Variants in GDPD1 observed in about 807,000 individuals in gnomAD.
GDPD1 encodes lysophospholipase D GDPD1.
Under a neutral mutation model 45.1 loss-of-function variants are expected in GDPD1, and 28 were observed. The ratio of observed to expected loss-of-function variants is 0.62; its 90% confidence interval spans 0.46 to 0.85. The LOEUF is 0.85. GDPD1 is among the 40% of genes least tolerant of loss of function. GDPD1 has a pLI of 0.00. For synonymous variants in GDPD1, 139 were observed against 131.4 expected, an observed-to-expected ratio of 1.06 and a Z score of -0.40; for missense variants, 256 against 364.8, an observed-to-expected ratio of 0.70 and a Z score of 2.43.
chr17:59,273,006 C>T, intron 9 of GDPD1, 170 bp downstream of exon 9: 1 of 1,437,568 alleles, frequency 7.0e-7, no homozygotes, highest in Admixed American at 2.6e-5. Flanking sequence ...AGCAATAAAG[C>T]ATTGGCATTT....
chr17:59,255,952 G>T (rs916948004), intron 4 of GDPD1, among the ~76,000 whole-genome samples: 1 of 147,814 alleles, frequency 6.8e-6, no homozygotes. Flanking sequence ...CTGGAGTGTG[G>T]GAGGCCGCAG....
At chr17:59,229,122 GTTATTATTATTA>G (rs71145540) in intron 1 of GDPD1, among the ~76,000 whole-genome samples, 3,529 of 134,376 alleles carry the variant, frequency 0.026, 55 homozygotes, top group Middle Eastern at 0.059. Flanking sequence ...TCCTCAAATT[GTTATTATTATTA>G]TTATTATTAT....
chr17:59,254,357 T>C (rs1464938887), intron 4 of GDPD1, among the ~76,000 whole-genome samples: 5 of 120,468 alleles, frequency 4.2e-5, no homozygotes, highest in Non-Finnish European at 8.0e-5. Flanking sequence ...TGAGACTCCG[T>C]CTCAAAAAAA....
intron 3 of GDPD1, among the ~76,000 whole-genome samples, chr17:59,247,321 C>T (rs560008771): frequency 4.2e-4 from 64 of 152,250 alleles, no homozygotes; most frequent in Middle Eastern, 3.4e-3. Flanking sequence ...CATGTATCCA[C>T]AATTATACTA....
chr17:59,221,449 A>C (rs1334332282), intron 1 of GDPD1, among the ~76,000 whole-genome samples: 2 of 46,486 alleles, frequency 4.3e-5, no homozygotes, highest in African/African-American at 6.5e-5. Context: ...ACACTGCAAT[A>C]AATAAATAAA....
intron 9 of GDPD1, 97 bp downstream of exon 9, chr17:59,272,933 T>G (rs1228267975): frequency 6.8e-6 from 11 of 1,606,278 alleles, no homozygotes; most frequent in Non-Finnish European, 9.3e-6. Flanking sequence ...AGTTTGGCCC[T>G]TGACTCTGAT....
At chr17:59,252,445 G>GC in intron 4 of GDPD1, among the ~76,000 whole-genome samples, 1 of 151,676 alleles carries the variant, frequency 6.6e-6, no homozygotes, top group East Asian at 2.0e-4. Flanking sequence ...CACCTTGTTG[G>GC]CCAGGCTAGT....
chr17:59,239,830 C>T (rs2047161926), intron 2 of GDPD1, among the ~76,000 whole-genome samples: 1 of 150,984 alleles, frequency 6.6e-6, no homozygotes, highest in Non-Finnish European at 1.5e-5. Context: ...CCCTCTCCAG[C>T]TCAAGCGATC....
chr17:59,223,806 G>A (rs1421559921), intron 1 of GDPD1, among the ~76,000 whole-genome samples: 1 of 152,168 alleles, frequency 6.6e-6, no homozygotes, highest in East Asian at 1.9e-4. Flanking sequence ...AGCTATTCAA[G>A]AGGCCGAGGC....
At position 59,267,029 on chromosome 17, in the gene GDPD1, T is replaced by C. The variant is rs768875209; in HGVS notation, c.577-12T>C. The C allele has an allele frequency of 6.3e-7, 1 of 1,599,270 alleles. No individual in the cohort carries two copies. The highest frequency in any genetic ancestry group is 1.7e-5 in the Admixed American group (1 of 58,590). ...TGTAAAAATAACATGTAATATTGCT[T>C]GTGTCTTTTAGAATTCAGATATTCC... On this transcript the variant is annotated splice_polypyrimidine_tract_variant and intron_variant, in intron 6 of 9. Coordinates refer to ENST00000284116, the MANE Select transcript of GDPD1 (RefSeq NM_182569.4).
At chr17:59,220,808 C>T (rs2046997987) in intron 1 of GDPD1, 57 bp downstream of exon 1, 2 of 1,579,052 alleles carry the variant, frequency 1.3e-6, no homozygotes, top group Non-Finnish European at 8.6e-7. Flanking sequence ...GGGTCCTTTG[C>T]GGCTCCGCAA....
chr17:59,235,893 T>C (rs1182214925), intron 2 of GDPD1, among the ~76,000 whole-genome samples: 1 of 152,146 alleles, frequency 6.6e-6, no homozygotes, highest in Non-Finnish European at 1.5e-5. Flanking sequence ...AAATACTTTA[T>C]TTATTTTCTC....
At chr17:59,243,265 G>A (rs2047187559) in intron 2 of GDPD1, among the ~76,000 whole-genome samples, 1 of 151,146 alleles carries the variant, frequency 6.6e-6, no homozygotes, top group Non-Finnish European at 1.5e-5. Context: ...CAGCATTTTG[G>A]GAGGCCGAAG....
intron 3 of GDPD1, among the ~76,000 whole-genome samples, chr17:59,246,709 CAAAAAAAA>C (rs749077536): frequency 4.0e-4 from 11 of 27,562 alleles, no homozygotes; most frequent in Non-Finnish European, 4.8e-4. Context: ...GACTCCATCT[CAAAAAAAA>C]AAAAAAAAAA....
intron 6 of GDPD1, among the ~76,000 whole-genome samples, chr17:59,264,292 G>T (rs1034418882): frequency 6.6e-6 from 1 of 150,626 alleles, no homozygotes; most frequent in East Asian, 1.9e-4. Context: ...GAGCCACTGT[G>T]CCCAGCCAAG....
In GDPD1 at chr17:59,275,072, C is replaced by A. The variant is rs1326398440; in HGVS notation, c.*1299C>A. ...GGCCAGACTGGTCTCGAACTCCTGA[C>A]CTCAGGTGATCCACCCACCTCGGCC... is the stretch of plus-strand genomic sequence containing the variant. On this transcript the variant is annotated 3_prime_UTR_variant, in exon 10 of 10. Coordinates refer to ENST00000284116, the MANE Select transcript of GDPD1 (RefSeq NM_182569.4). 1 of 1,120,810 alleles carries A rather than the reference C, an allele frequency of 8.9e-7. No homozygotes were observed. Among genetic ancestry groups the A allele is most frequent in the African/African-American group, 1.5e-5 (1 of 64,984 alleles). The allele number at this position is 1,120,810 out of a possible 1,614,324, so 69.4% of individuals were successfully genotyped here.
intron 6 of GDPD1, among the ~76,000 whole-genome samples, chr17:59,258,799 G>A (rs1414372102): frequency 6.6e-6 from 1 of 151,462 alleles, no homozygotes; most frequent in Admixed American, 6.6e-5. Flanking sequence ...CTTGTGTTAG[G>A]TAATTAAATT....
intron 1 of GDPD1, among the ~76,000 whole-genome samples, chr17:59,225,324 C>T (rs559421102): frequency 1.3e-5 from 2 of 152,056 alleles, no homozygotes; most frequent in African/African-American, 2.4e-5. Flanking sequence ...AGGCTAGTCT[C>T]GATCTCCTGA....
chr17:59,224,556 C>T (rs553745269), intron 1 of GDPD1, among the ~76,000 whole-genome samples: 1 of 148,628 alleles, frequency 6.7e-6, no homozygotes, highest in Admixed American at 6.8e-5. Context: ...ACCCGGGAGG[C>T]GGAGCTGGCA....
Sources: allele counts gnomAD v4.1 joint callset (sites outside exome capture counted in the v4.1 genomes callset), GRCh38; gene constraint gnomAD v4.1.1; transcripts MANE v1.5; gene names NCBI Gene and HGNC (gene_info 2026-07-23, HGNC 2026-07-21).